The following ASCC3 variants were observed in gnomAD, a reference collection of about 807,000 sequenced individuals.
ASCC3 encodes ASC-1 complex subunit P200.
In ASCC3, 158 loss-of-function variants were observed where a neutral mutation model predicts 256.3. That is an observed-to-expected ratio of 0.62 (90% CI 0.54 to 0.70). ASCC3 has a LOEUF of 0.70. Ranked by LOEUF, ASCC3 falls within the 30% of genes least tolerant of loss-of-function variation. The probability of loss-of-function intolerance (pLI) is 0.00; values close to 1 mark genes in which losing one functional copy is unlikely to be tolerated. For synonymous variants in ASCC3, 948 were observed against 883.4 expected (o/e 1.07, Z -1.30); for missense variants, 2,259 against 2,626.0 (o/e 0.86, Z 3.05).
chr6:100,829,733 T>C (rs990675846), intron 4 of ASCC3, among the ~76,000 whole-genome samples: 1 of 152,216 alleles, frequency 6.6e-6, no homozygotes, highest in Non-Finnish European at 1.5e-5. Flanking sequence ...CTGTGAGGAA[T>C]GCCAGCATGC....
chr6:100,823,281 T>G (rs931439600), intron 4 of ASCC3, among the ~76,000 whole-genome samples: 1 of 152,210 alleles, frequency 6.6e-6, no homozygotes. Flanking sequence ...AGTACAGCTG[T>G]CTGGATCACT....
intron 5 of ASCC3, among the ~76,000 whole-genome samples, chr6:100,800,749 CACTG>C (rs1236596981): frequency 6.6e-6 from 1 of 151,802 alleles, no homozygotes; most frequent in Non-Finnish European, 1.5e-5. Context: ...AGTTCAATGT[CACTG>C]ACATTATAAA....
intron 13 of ASCC3, among the ~76,000 whole-genome samples, chr6:100,700,739 T>C (rs117293453): frequency 1.3e-5 from 2 of 152,354 alleles, no homozygotes; most frequent in East Asian, 3.9e-4. Context: ...TTTGGACTTG[T>C]ATGGGGCCTG....
At position 100,602,612 on chromosome 6, in the gene ASCC3, G is replaced by T. The variant is rs141899504; in HGVS notation, c.5178-677C>A. ...GAATAAGTACTGAGGCAGATTAAAGGAGAGTTGACAAAGAGATGCTATTTA... is the reference window on the plus strand; with the variant it reads ...GAATAAGTACTGAGGCAGATTAAAGTAGAGTTGACAAAGAGATGCTATTTA... On this transcript the variant is annotated intron_variant, in intron 33 of 41. Coordinates refer to ENST00000369162, the MANE Select transcript of ASCC3 (RefSeq NM_006828.4). Among the ~76,000 whole-genome samples the T allele has an allele frequency of 5.1e-3, 775 of 152,118 alleles. 6 individuals carry two copies. The highest frequency in any genetic ancestry group is 0.018 in the African/African-American group (746 of 41,530).
chr6:100,586,112 G>A (rs2114762740), intron 36 of ASCC3, among the ~76,000 whole-genome samples: 1 of 152,346 alleles, frequency 6.6e-6, no homozygotes, highest in South Asian at 2.1e-4. Flanking sequence ...TCTCTTCAAA[G>A]CTGTCAGCCA....
At chr6:100,724,154 A>AG (rs1012994008) in intron 11 of ASCC3, among the ~76,000 whole-genome samples, 16 of 149,024 alleles carry the variant, frequency 1.1e-4, no homozygotes, top group Non-Finnish European at 1.9e-4. Context: ...AAAACAAAAA[A>AG]AAAAACAAAA....
chr6:100,631,079 C>T, intron 26 of ASCC3, 49 bp downstream of exon 26: 1 of 1,328,422 alleles, frequency 7.5e-7, no homozygotes, highest in South Asian at 1.2e-5. Flanking sequence ...ATTTCCTGGT[C>T]CTTTTAGTCA....
chr6:100,873,525 A>G (rs1402239181), intron 1 of ASCC3, among the ~76,000 whole-genome samples: 3 of 152,180 alleles, frequency 2.0e-5, no homozygotes, highest in Non-Finnish European at 4.4e-5. Flanking sequence ...ACATTCAAAG[A>G]ACACCTGGGA....
intron 1 of ASCC3, among the ~76,000 whole-genome samples, chr6:100,874,464 C>CAAAAAAAAAAAAAAAAAAAA (rs530326162): frequency 1.3e-5 from 1 of 77,622 alleles, no homozygotes; most frequent in African/African-American, 5.3e-5. Flanking sequence ...GACTCTGTCT[C>CAAAAAAAAAAAAAAAAAAAA]AAAAAAAAAA....
chr6:100,770,211 C>A (rs1781853227), intron 8 of ASCC3, among the ~76,000 whole-genome samples: 2 of 151,978 alleles, frequency 1.3e-5, no homozygotes, highest in Non-Finnish European at 2.9e-5. Flanking sequence ...AGAAAAACTA[C>A]ATGATCATCT....
chr6:100,819,428 T>C (rs1252171153), intron 4 of ASCC3, among the ~76,000 whole-genome samples: 1 of 152,186 alleles, frequency 6.6e-6, no homozygotes, highest in Admixed American at 6.5e-5. Flanking sequence ...TTAAGGCGTA[T>C]TGACTCACAC....
chr6:100,636,393 T>A (rs1367428021), intron 25 of ASCC3, among the ~76,000 whole-genome samples: 1 of 152,160 alleles, frequency 6.6e-6, no homozygotes, highest in Non-Finnish European at 1.5e-5. Context: ...TTGATAATTG[T>A]GTGTGTTCTA....
At chr6:100,615,837 G>T (rs1773641254) in intron 30 of ASCC3, among the ~76,000 whole-genome samples, 1 of 152,172 alleles carries the variant, frequency 6.6e-6, no homozygotes, top group Non-Finnish European at 1.5e-5. Context: ...CAAATCTGTA[G>T]ATAATGTCTG....
At chr6:100,771,550 C>T (rs1781925150) in intron 8 of ASCC3, among the ~76,000 whole-genome samples, 1 of 147,090 alleles carries the variant, frequency 6.8e-6, no homozygotes, top group African/African-American at 2.5e-5. Context: ...TAAAAAAACT[C>T]AACACAACAG....
At chr6:100,584,836 G>T (rs540875110) in intron 36 of ASCC3, among the ~76,000 whole-genome samples, 5 of 151,936 alleles carry the variant, frequency 3.3e-5, no homozygotes, top group African/African-American at 1.2e-4. Flanking sequence ...TTCTCCTTCA[G>T]TTATGAAGCT....
chr6:100,818,075 G>A (rs940476226), intron 4 of ASCC3, among the ~76,000 whole-genome samples: 1 of 152,070 alleles, frequency 6.6e-6, no homozygotes, highest in African/African-American at 2.4e-5. Flanking sequence ...TAATGTCAGG[G>A]ATACAAGGTT....
intron 36 of ASCC3, among the ~76,000 whole-genome samples, chr6:100,549,973 G>A (rs1769208730): frequency 6.6e-6 from 1 of 151,828 alleles, no homozygotes; most frequent in Non-Finnish European, 1.5e-5. Context: ...CATGAAAACT[G>A]ATAAGGAGCA....
chr6:100,871,595 C>G (rs1773745190), intron 1 of ASCC3, among the ~76,000 whole-genome samples: 1 of 152,050 alleles, frequency 6.6e-6, no homozygotes, highest in African/African-American at 2.4e-5. Context: ...AGTGAGACCC[C>G]CAACTCTACA....
At chr6:100,680,308 C>G (rs1302365402) in intron 13 of ASCC3, among the ~76,000 whole-genome samples, 1 of 152,098 alleles carries the variant, frequency 6.6e-6, no homozygotes, top group Non-Finnish European at 1.5e-5. Flanking sequence ...GATATCTGAA[C>G]TAGGGGGAAG....
Sources: allele counts gnomAD v4.1 joint callset (sites outside exome capture counted in the v4.1 genomes callset), GRCh38; gene constraint gnomAD v4.1.1; transcripts MANE v1.5; gene names NCBI Gene and HGNC (gene_info 2026-07-23, HGNC 2026-07-21).